The following GABRG3 variants were observed in gnomAD, a reference collection of about 807,000 sequenced individuals.
GABRG3 encodes gamma-aminobutyric acid receptor subunit gamma-3.
GABRG3 carries 25 observed loss-of-function variants against 48.8 expected under a neutral mutation model. The ratio of observed to expected loss-of-function variants is 0.51; its 90% confidence interval spans 0.37 to 0.72. The LOEUF (loss-of-function observed/expected upper bound fraction) is 0.72. Ranked by LOEUF, GABRG3 falls within the 30% of genes least tolerant of loss-of-function variation. The pLI is 0.00. For missense variants in GABRG3, 394 were observed against 577.9 expected (o/e 0.68, Z 3.26); for synonymous variants, 227 against 217.6 (o/e 1.04, Z -0.38).
intron 5 of GABRG3, among the ~76,000 whole-genome samples, chr15:27,465,297 G>T (rs910997572): frequency 3.3e-5 from 5 of 152,184 alleles, no homozygotes; most frequent in African/African-American, 9.7e-5. Flanking sequence ...GCGTTTTCAC[G>T]TTTTTAAAGC....
chr15:27,128,344 G>A (rs866345035), intron 3 of GABRG3, among the ~76,000 whole-genome samples: 17 of 152,272 alleles, frequency 1.1e-4, no homozygotes, highest in South Asian at 6.2e-4. Flanking sequence ...CACCACACAC[G>A]TCTCCCTTCA....
chr15:27,045,763 C>T (rs2140704395), intron 3 of GABRG3, among the ~76,000 whole-genome samples: 1 of 152,326 alleles, frequency 6.6e-6, no homozygotes, highest in East Asian at 1.9e-4. Context: ...TTTTTGGAGA[C>T]AGGGAACCAA....
chr15:27,216,733 C>CT (rs200517386), intron 3 of GABRG3, among the ~76,000 whole-genome samples: 235 of 103,890 alleles, frequency 2.3e-3, no homozygotes, highest in South Asian at 7.2e-3. Context: ...CAATTCATTT[C>CT]TTTTTTTTTT....
chr15:27,399,578 T>C (rs1204037586), intron 5 of GABRG3, among the ~76,000 whole-genome samples: 1 of 152,240 alleles, frequency 6.6e-6, no homozygotes, highest in Non-Finnish European at 1.5e-5. Flanking sequence ...TTGACATTCG[T>C]AGAAACCTTT....
intron 3 of GABRG3, among the ~76,000 whole-genome samples, chr15:27,091,802 G>A (rs1034642924): frequency 6.6e-6 from 1 of 152,190 alleles, no homozygotes; most frequent in Admixed American, 6.5e-5. Flanking sequence ...AACTCGGCCT[G>A]CCCTATTCAA....
intron 3 of GABRG3, among the ~76,000 whole-genome samples, chr15:27,313,262 G>GTGTGTATATA (rs1430430961): frequency 6.1e-4 from 21 of 34,548 alleles, no homozygotes; most frequent in Non-Finnish European, 8.0e-4. Flanking sequence ...GTGTGTGTGT[G>GTGTGTATATA]TATATATATA....
chr15:27,019,321 T>C (rs955024655), intron 2 of GABRG3, among the ~76,000 whole-genome samples: 6 of 151,972 alleles, frequency 3.9e-5, no homozygotes, highest in Admixed American at 1.3e-4. Context: ...CCCCCCGCCT[T>C]GGCCTCCCAA....
At chr15:27,084,928 G>A (rs941119045) in intron 3 of GABRG3, among the ~76,000 whole-genome samples, 2 of 152,196 alleles carry the variant, frequency 1.3e-5, no homozygotes, top group Non-Finnish European at 2.9e-5. Flanking sequence ...TTAATTCTCT[G>A]TGTGAGCACC....
chr15:27,225,788 A>G (rs1197307115), intron 3 of GABRG3, among the ~76,000 whole-genome samples: 1 of 151,984 alleles, frequency 6.6e-6, no homozygotes, highest in Admixed American at 6.6e-5. Context: ...CTCCATCAGA[A>G]TAGGGTGCTG....
At chr15:27,156,248 G>C (rs4296221) in intron 3 of GABRG3, among the ~76,000 whole-genome samples, 25,528 of 141,920 alleles carry the variant, frequency 0.18, 2,476 homozygotes, top group Admixed American at 0.26. Flanking sequence ...GCAGTGAGCC[G>C]AGTTCAAGCC....
chr15:26,988,682 T>C (rs954857849), intron 2 of GABRG3, among the ~76,000 whole-genome samples: 2 of 152,100 alleles, frequency 1.3e-5, no homozygotes, highest in African/African-American at 4.8e-5. Context: ...GTTTATGATC[T>C]TTTTATTTTT....
At chr15:27,434,732 G>GAGGCATA (rs1888556914) in intron 5 of GABRG3, among the ~76,000 whole-genome samples, 2 of 152,184 alleles carry the variant, frequency 1.3e-5, no homozygotes, top group Admixed American at 6.5e-5. Context: ...GCAGCAGTAT[G>GAGGCATA]AGGCATAGAG....
At chr15:27,269,728 T>C (rs77692319) in intron 3 of GABRG3, among the ~76,000 whole-genome samples, 21 of 152,280 alleles carry the variant, frequency 1.4e-4, no homozygotes, top group African/African-American at 4.8e-4. Context: ...GGCTAAAACA[T>C]AAGTCAGCTT....
intron 5 of GABRG3, among the ~76,000 whole-genome samples, chr15:27,346,066 A>AAAAAAG (rs1216222950): frequency 9.9e-6 from 1 of 100,904 alleles, no homozygotes; most frequent in Non-Finnish European, 1.8e-5. Context: ...AAANNAAAAA[A>AAAAAAG]GAGAGAGAAA....
intron 3 of GABRG3, among the ~76,000 whole-genome samples, chr15:27,028,131 C>T (rs1339984017): frequency 6.6e-6 from 1 of 152,160 alleles, no homozygotes; most frequent in Non-Finnish European, 1.5e-5. Context: ...ATGTGGAAAT[C>T]ACGGGCTGCA....
chr15:27,186,415 A>G (rs1888100081), intron 3 of GABRG3, among the ~76,000 whole-genome samples: 1 of 152,076 alleles, frequency 6.6e-6, no homozygotes, highest in Non-Finnish European at 1.5e-5. Flanking sequence ...CTAGGTGTTG[A>G]TGGATATGTA....
intron 5 of GABRG3, among the ~76,000 whole-genome samples, chr15:27,437,069 T>A (rs762831800): frequency 1.6e-4 from 24 of 148,602 alleles, no homozygotes; most frequent in Non-Finnish European, 3.1e-4. Context: ...GCAGTGATAT[T>A]TGTTTGTTTC....
intron 3 of GABRG3, among the ~76,000 whole-genome samples, chr15:27,311,868 A>T (rs1171337643): frequency 6.6e-6 from 1 of 152,164 alleles, no homozygotes; most frequent in Non-Finnish European, 1.5e-5. Flanking sequence ...GTATGAGACT[A>T]GTCTGTGAAT....
intron 3 of GABRG3, among the ~76,000 whole-genome samples, chr15:27,133,519 C>T (rs1358201767): frequency 6.6e-6 from 1 of 152,198 alleles, no homozygotes; most frequent in African/African-American, 2.4e-5. Context: ...ATGAATTTCC[C>T]TTTCCTTTTT....
Sources: gnomAD v4.1 joint callset for allele counts (sites outside exome capture counted in the v4.1 genomes callset) on GRCh38, gnomAD v4.1.1 for gene constraint, MANE v1.5 for transcripts, NCBI Gene and HGNC (gene_info 2026-07-23, HGNC 2026-07-21) for gene names.